ADCY5: variants seen among roughly 807,000 people sequenced by gnomAD.
ADCY5 encodes the protein adenylate cyclase type 5.
ADCY5 carries 30 observed loss-of-function variants against 119.7 expected under a neutral mutation model. The ratio of observed to expected loss-of-function variants is 0.25; its 90% CI spans 0.19 to 0.34. The LOEUF (loss-of-function observed/expected upper bound fraction) is 0.34, where lower values mean the gene tolerates loss of function less well. Ranked by LOEUF, ADCY5 falls within the 10% of genes least tolerant of loss-of-function variation. The probability of loss-of-function intolerance (pLI) is 1.00; values close to 1 mark genes in which losing one functional copy is unlikely to be tolerated. For missense variants in ADCY5, 1,324 were observed against 1,775.2 expected, an observed-to-expected ratio of 0.75 and a Z score of 4.57; for synonymous variants, 753 against 762.2, an observed-to-expected ratio of 0.99 and a Z score of 0.20.
chr3:123,378,767 G>C (rs991463676), intron 1 of ADCY5, among the ~76,000 whole-genome samples: 1 of 152,220 alleles, frequency 6.6e-6, no homozygotes, highest in African/African-American at 2.4e-5. Flanking sequence ...CCTGTCCCCA[G>C]CTCCGACTGG....
chr3:123,284,888 TGACA>T (rs1373958820), intron 20 of ADCY5, 152 bp from the exon 21 acceptor site: 20 of 1,037,576 alleles, frequency 1.9e-5, no homozygotes, highest in East Asian at 9.8e-5. Flanking sequence ...TCTCAGGGAC[TGACA>T]GACAGCAGCT....
intron 12 of ADCY5, among the ~76,000 whole-genome samples, chr3:123,308,371 C>T (rs1232471244): frequency 6.6e-6 from 1 of 152,028 alleles, no homozygotes; most frequent in Non-Finnish European, 1.5e-5. Context: ...TTTCTCTTGA[C>T]TTTAAAACCT....
chr3:123,314,103 C>T (rs1940750094), intron 12 of ADCY5, 132 bp downstream of exon 12: 1 of 668,782 alleles, frequency 1.5e-6, no homozygotes, highest in Admixed American at 2.8e-5. Context: ...GTGTGGCTGG[C>T]ATCAGGCACT....
At chr3:123,375,926 C>G (rs1195919490) in intron 1 of ADCY5, among the ~76,000 whole-genome samples, 1 of 152,040 alleles carries the variant, frequency 6.6e-6, no homozygotes, top group Admixed American at 6.5e-5. Flanking sequence ...AGTCCCAGAG[C>G]TGGGACTCCA....
chr3:123,333,821 T>A (rs1460577142), intron 3 of ADCY5, among the ~76,000 whole-genome samples: 2 of 152,152 alleles, frequency 1.3e-5, no homozygotes, highest in African/African-American at 2.4e-5. Flanking sequence ...GACTTCCCAA[T>A]CCCACACAGA....
intron 12 of ADCY5, among the ~76,000 whole-genome samples, chr3:123,311,788 A>G (rs1300099940): frequency 6.6e-6 from 1 of 152,036 alleles, no homozygotes; most frequent in African/African-American, 2.4e-5. Context: ...ATGGTGTGGG[A>G]CTGGGGGGAC....
At chr3:123,297,625 T>A (rs1939599549) in intron 15 of ADCY5, among the ~76,000 whole-genome samples, 1 of 152,214 alleles carries the variant, frequency 6.6e-6, no homozygotes, top group Admixed American at 6.5e-5. Flanking sequence ...AAACCCTGCC[T>A]TCCCAGACCC....
At chr3:123,314,763 A>C (rs1940811200) in intron 11 of ADCY5, among the ~76,000 whole-genome samples, 1 of 152,218 alleles carries the variant, frequency 6.6e-6, no homozygotes, top group South Asian at 2.1e-4. Context: ...TGAAGGCTGA[A>C]AACTGATTGG....
rs765952713 is a variant in ADCY5 at position 123,447,416 on chromosome 3, TTCA to T, written c.1127_1129del (p.Leu376_Lys377delinsGln). The T allele has an allele frequency of 2.8e-5, 44 of 1,572,782 alleles. 1 individual carries two copies. In the East Asian group the frequency reaches 6.4e-4, roughly 23 times the overall value. ...GGTGGCCAGGTCGGCCCCTACCTGC[TTCA>T]GCAGGAACTGGTCCTGGGCGTTGGT... On this transcript the variant is annotated inframe_deletion, in exon 1 of 21. Coordinates refer to ENST00000462833, the MANE Select transcript of ADCY5 (RefSeq NM_183357.3).
At chr3:123,334,071 G>A (rs1412004045) in intron 3 of ADCY5, among the ~76,000 whole-genome samples, 1 of 152,168 alleles carries the variant, frequency 6.6e-6, no homozygotes, top group Non-Finnish European at 1.5e-5. Flanking sequence ...GGGAAGGGAA[G>A]TCCCCAGGAC....
At chr3:123,316,193 C>G (rs898836682) in intron 11 of ADCY5, among the ~76,000 whole-genome samples, 1 of 152,044 alleles carries the variant, frequency 6.6e-6, no homozygotes, top group Non-Finnish European at 1.5e-5. Flanking sequence ...AATGTAGACC[C>G]CCCCCAACCT....
In ADCY5 at chr3:123,296,138, C is replaced by A. The variant is rs1241657424; in HGVS notation, c.3009G>T (p.Leu1003=). ...CAGTGGACTCCACCTGCTGGGCGTG[C>A]AGGTACAGGGCCAGCACAAAGACTG... ...IISVFVLALY[L]HAQQVESTAR... Residue 1003 remains leucine (L), a synonymous_variant, in exon 17 of 21, where the codon CTG becomes CTT. Transcript: ENST00000462833. 6.2e-7 allele frequency: 1 copy of A among 1,614,038 alleles called. No individual in the cohort carries two copies. The highest frequency in any genetic ancestry group is 1.7e-5 in the Admixed American group (1 of 60,020).
chr3:123,319,045 G>A (rs1203927382), intron 10 of ADCY5, among the ~76,000 whole-genome samples: 1 of 152,116 alleles, frequency 6.6e-6, no homozygotes, highest in African/African-American at 2.4e-5. Context: ...CCTACTATGC[G>A]ACAGATACTG....
chr3:123,435,775 C>G (rs1453791102), intron 1 of ADCY5, among the ~76,000 whole-genome samples: 1 of 151,318 alleles, frequency 6.6e-6, no homozygotes, highest in African/African-American at 2.4e-5. Flanking sequence ...AATCTCAGCA[C>G]TTTGGGAGGC....
chr3:123,418,990 A>T, intron 1 of ADCY5: 1 of 266,318 alleles, frequency 3.8e-6, no homozygotes, highest in Non-Finnish European at 5.8e-6. Context: ...GACTGAAACC[A>T]CGTCACTGGC....
At chr3:123,396,849 A>AGAGAGAC (rs1248798611) in intron 1 of ADCY5, among the ~76,000 whole-genome samples, 2 of 149,728 alleles carry the variant, frequency 1.3e-5, no homozygotes, top group South Asian at 2.1e-4. Flanking sequence ...AGAGACAGAG[A>AGAGAGAC]ACCCATATCC....
At chr3:123,402,761 G>A (rs558433529) in intron 1 of ADCY5, among the ~76,000 whole-genome samples, 24 of 151,838 alleles carry the variant, frequency 1.6e-4, no homozygotes, top group Admixed American at 9.2e-4. Flanking sequence ...GCAGAGGCAG[G>A]AGAATGGCGT....
rs770280288 is a variant in ADCY5, at chr3:123,448,281, G to C, written c.265C>G (p.Leu89Val). The change falls in exon 1 of 21, where the codon CTG becomes GTG. Residue 89 changes from leucine (L) to valine (V), a missense_variant. Physicochemically the swap from Leu to Val is conservative, Grantham distance 32. This residue lies in a region of ADCY5 where 585 missense variants were observed against 569.9 expected (regional missense o/e 1.03). Transcript: ENST00000462833. ...AAGCTGAAGCCGAAGCCCCCGGCCA[G>C]GGGGTCGTCACCGCTCAGCGGAGGA... is the stretch of plus-strand genomic sequence containing the variant. Reference protein sequence around the residue: ...DDPPLSGDDPLAGGFGFSFRS... With the variant: ...DDPPLSGDDPVAGGFGFSFRS... 6.6e-7 allele frequency: 1 copy of C among 1,526,222 alleles called. No homozygotes were observed. The highest frequency in any genetic ancestry group is 1.2e-5 in the South Asian group (1 of 83,492). 94.5% of individuals were successfully genotyped at this position (1,526,222 alleles called of 1,614,324 possible). A position where few individuals can be genotyped will look rare whatever the true frequency, so the allele number is the denominator to read the frequency against.
chr3:123,423,230 C>T (rs543925584), intron 1 of ADCY5, among the ~76,000 whole-genome samples: 14 of 152,298 alleles, frequency 9.2e-5, no homozygotes, highest in African/African-American at 2.6e-4. Context: ...ACGCTGGGCA[C>T]GAGCCCAAGC....
Sources: gnomAD v4.1 joint callset for allele counts (sites outside exome capture counted in the v4.1 genomes callset) on GRCh38, gnomAD v4.1.1 for gene constraint, gnomAD v4.1.1 regional missense constraint, MANE v1.5 for transcripts, NCBI Gene and HGNC (gene_info 2026-07-23, HGNC 2026-07-21) for gene names.